CHRM2: variants seen among roughly 807,000 people sequenced by gnomAD.
CHRM2 encodes muscarinic acetylcholine receptor M2.
CHRM2 carries 8 observed loss-of-function variants against 25.0 expected under a neutral mutation model. The ratio of observed to expected loss-of-function variants is 0.32; its 90% CI spans 0.19 to 0.58. The LOEUF (loss-of-function observed/expected upper bound fraction) is 0.58. Among genes scored for constraint, CHRM2 ranks in the 20% least tolerant of loss-of-function variants. The pLI is 0.88. For missense variants in CHRM2, 440 were observed against 567.1 expected (o/e 0.78, Z 2.28); for synonymous variants, 202 against 205.7 (o/e 0.98, Z 0.15).
chr7:136,876,951 C>T (rs1312484208), intron 2 of CHRM2, among the ~76,000 whole-genome samples: 1 of 152,090 alleles, frequency 6.6e-6, no homozygotes, highest in Non-Finnish European at 1.5e-5. Context: ...GTATCTGAGA[C>T]ACTTTATTCC....
chr7:136,971,270 C>T (rs540129591), intron 2 of CHRM2, among the ~76,000 whole-genome samples: 71 of 152,302 alleles, frequency 4.7e-4, no homozygotes, highest in African/African-American at 1.7e-3. Flanking sequence ...TAGAACTCAG[C>T]TTCACTGTAC....
At chr7:137,001,850 T>G (rs1366492719) in intron 3 of CHRM2, among the ~76,000 whole-genome samples, 1 of 152,132 alleles carries the variant, frequency 6.6e-6, no homozygotes, top group Non-Finnish European at 1.5e-5. Flanking sequence ...CAAAGTTAAT[T>G]CTTTTATCCT....
At chr7:136,994,811 T>C (rs1803483930) in intron 3 of CHRM2, among the ~76,000 whole-genome samples, 1 of 151,980 alleles carries the variant, frequency 6.6e-6, no homozygotes, top group Admixed American at 6.6e-5. Flanking sequence ...TACTAACTTA[T>C]GAGTGGGACT....
At chr7:136,913,597 T>C (rs550376955) in intron 2 of CHRM2, among the ~76,000 whole-genome samples, 2 of 152,042 alleles carry the variant, frequency 1.3e-5, no homozygotes, top group African/African-American at 2.4e-5. Context: ...AACCAAAACC[T>C]AATCACCAAA....
intron 2 of CHRM2, among the ~76,000 whole-genome samples, chr7:136,958,857 T>C (rs745487584): frequency 2.6e-5 from 4 of 152,204 alleles, no homozygotes; most frequent in Non-Finnish European, 5.9e-5. Flanking sequence ...AGGAAGTAAA[T>C]GGATCACCAG....
At chr7:136,976,440 ATG>A (rs1563102047) in intron 2 of CHRM2, among the ~76,000 whole-genome samples, 1 of 152,188 alleles carries the variant, frequency 6.6e-6, no homozygotes, top group Non-Finnish European at 1.5e-5. Flanking sequence ...TCTATGATGT[ATG>A]TAATATTATT....
intron 2 of CHRM2, among the ~76,000 whole-genome samples, chr7:136,930,516 T>C (rs1799009770): frequency 6.6e-6 from 1 of 152,290 alleles, no homozygotes; most frequent in African/African-American, 2.4e-5. Flanking sequence ...AAATTAAAAT[T>C]TGAGAAACCT....
chr7:136,949,073 C>A (rs907392141), intron 2 of CHRM2, among the ~76,000 whole-genome samples: 5 of 152,116 alleles, frequency 3.3e-5, no homozygotes, highest in African/African-American at 7.2e-5. Flanking sequence ...GCTAGTCACA[C>A]AAAGACACTA....
intron 2 of CHRM2, chr7:136,938,147 G>A: frequency 1.5e-6 from 1 of 655,232 alleles, no homozygotes; most frequent in Non-Finnish European, 2.8e-6. Context: ...CTTCTTGTCA[G>A]GATCTGAATA....
intron 2 of CHRM2, among the ~76,000 whole-genome samples, chr7:136,969,568 G>A (rs1225544365): frequency 6.6e-6 from 1 of 152,092 alleles, no homozygotes. Flanking sequence ...TGTTTTGGCT[G>A]GGCCTTGCAC....
chr7:136,939,277 C>A (rs1219924657), intron 2 of CHRM2, among the ~76,000 whole-genome samples: 1 of 152,168 alleles, frequency 6.6e-6, no homozygotes, highest in Non-Finnish European at 1.5e-5. Flanking sequence ...CCTAGGCTTA[C>A]ACAGGTGTGG....
chr7:136,976,346 A>C (rs563341506), intron 2 of CHRM2, among the ~76,000 whole-genome samples: 24 of 152,242 alleles, frequency 1.6e-4, no homozygotes, highest in African/African-American at 5.8e-4. Flanking sequence ...TATTAACATT[A>C]TTAATACTAA....
At chr7:136,980,615 T>A (rs1802422705) in intron 2 of CHRM2, among the ~76,000 whole-genome samples, 1 of 152,158 alleles carries the variant, frequency 6.6e-6, no homozygotes. Flanking sequence ...TGAGATGCGT[T>A]CCATCAATAC....
At chr7:136,956,476 G>A (rs1800731453) in intron 2 of CHRM2, among the ~76,000 whole-genome samples, 1 of 152,098 alleles carries the variant, frequency 6.6e-6, no homozygotes, top group Non-Finnish European at 1.5e-5. Flanking sequence ...AGGAAGCCTG[G>A]ATTGAAAATA....
rs114292478 is a variant in CHRM2, at chr7:136,911,675, G to A, written c.-125+42257G>A. Among the ~76,000 whole-genome samples, 608 of 151,978 alleles carry A rather than the reference G, an allele frequency of 4.0e-3. 6 individuals carry two copies. Among genetic ancestry groups the A allele is most frequent in the African/African-American group, 0.014 (577 of 41,502 alleles). Reference sequence around the variant, plus strand: ...ATTAAAATGTCCTTTAAATGTCTCCGTTTAATCCATTTTTCCGTTTTCAAA... The same window carrying A: ...ATTAAAATGTCCTTTAAATGTCTCCATTTAATCCATTTTTCCGTTTTCAAA... On this transcript the variant is annotated intron_variant, in intron 2 of 3. Coordinates refer to ENST00000680005, the MANE Select transcript of CHRM2 (RefSeq NM_001006630.2).
chr7:136,879,848 T>C (rs1445043019), intron 2 of CHRM2, among the ~76,000 whole-genome samples: 1 of 151,902 alleles, frequency 6.6e-6, no homozygotes, highest in East Asian at 1.9e-4. Flanking sequence ...AAGGCGGCCA[T>C]CTTTATTTTT....
At chr7:136,961,214 C>G (rs1801059846) in intron 2 of CHRM2, among the ~76,000 whole-genome samples, 1 of 152,112 alleles carries the variant, frequency 6.6e-6, no homozygotes, top group Non-Finnish European at 1.5e-5. Context: ...ACTATCAGTA[C>G]AGTATTCAGT....
chr7:136,947,466 T>A (rs1037550619), intron 2 of CHRM2, among the ~76,000 whole-genome samples: 6 of 152,182 alleles, frequency 3.9e-5, no homozygotes, highest in African/African-American at 1.4e-4. Flanking sequence ...TGTAGACATG[T>A]AGTAAAGTAA....
intron 2 of CHRM2, chr7:136,870,147 G>C (rs1230729716): frequency 6.6e-6 from 1 of 152,496 alleles, no homozygotes; most frequent in Non-Finnish European, 1.5e-5. Flanking sequence ...CGAAGCTCAT[G>C]AGGTACCAGA....
Sources: gnomAD v4.1 joint callset for allele counts (sites outside exome capture counted in the v4.1 genomes callset) on GRCh38, gnomAD v4.1.1 for gene constraint, MANE v1.5 for transcripts, NCBI Gene and HGNC (gene_info 2026-07-23, HGNC 2026-07-21) for gene names.